Variants in TRABD2B observed in about 807,000 individuals in gnomAD.
TRABD2B encodes TraB domain containing 2B, also known as metalloprotease TIKI2.
In TRABD2B, 14 loss-of-function variants were observed where a neutral mutation model predicts 40.1. The ratio of observed to expected loss-of-function variants is 0.35; its 90% CI spans 0.23 to 0.55. TRABD2B has a LOEUF of 0.55. Among genes scored for constraint, TRABD2B ranks in the 20% least tolerant of loss-of-function variants. The pLI is 0.90. For synonymous variants in TRABD2B, 263 were observed against 277.0 expected (o/e 0.95, Z 0.50); for missense variants, 541 against 648.6 (o/e 0.83, Z 1.80).
intron 2 of TRABD2B, among the ~76,000 whole-genome samples, chr1:47,926,004 G>C (rs1644964076): frequency 6.6e-6 from 1 of 152,136 alleles, no homozygotes; most frequent in Non-Finnish European, 1.5e-5. Context: ...TCATATAAGT[G>C]TGATGCAAAT....
At chr1:47,947,093 G>C (rs1645269602) in intron 2 of TRABD2B, among the ~76,000 whole-genome samples, 1 of 152,172 alleles carries the variant, frequency 6.6e-6, no homozygotes, top group Non-Finnish European at 1.5e-5. Flanking sequence ...GGATGAGAAA[G>C]TTTAGGCTTA....
rs901031028 is a variant in TRABD2B at position 47,983,617 on chromosome 1, A to G, written c.666+10417T>C. 4.6e-5 allele frequency among the ~76,000 whole-genome samples: 7 copies of G among 152,054 alleles called. No homozygotes were observed. In the East Asian group the frequency reaches 1.2e-3, roughly 25 times the overall value. On this transcript the variant is annotated intron_variant, in intron 2 of 6. Coordinates refer to ENST00000606738, the MANE Select transcript of TRABD2B (RefSeq NM_001194986.2). ...TCCAGCTGCAACTCGGCCCCAATAC[A>G]GGGTCTGGTTCTCAAAAATGTACTA...
chr1:47,895,259 C>T (rs906820363), intron 2 of TRABD2B, among the ~76,000 whole-genome samples: 1 of 152,122 alleles, frequency 6.6e-6, no homozygotes, highest in Admixed American at 6.5e-5. Flanking sequence ...CGCCCCACCC[C>T]CCAGCCAGGA....
chr1:47,953,274 C>G (rs1645372426), intron 2 of TRABD2B, among the ~76,000 whole-genome samples: 1 of 152,180 alleles, frequency 6.6e-6, no homozygotes, highest in Admixed American at 6.5e-5. Flanking sequence ...TGAGAGAAAT[C>G]AGGACAGCAT....
In TRABD2B at chr1:47,826,307, T is replaced by G. The variant is rs1054198792; in HGVS notation, c.667-24688A>C. 2.6e-5 allele frequency among the ~76,000 whole-genome samples: 4 copies of G among 152,282 alleles called. No individual in the cohort carries two copies. In the South Asian group the frequency reaches 6.2e-4, roughly 24 times the overall value. ...TGTGGTTTAGCTCATGACATATAAT[T>G]TATTTAATATGAAATATATTTAAGT... On this transcript the variant is annotated intron_variant, in intron 2 of 6. Transcript: ENST00000606738.
intron 1 of TRABD2B, among the ~76,000 whole-genome samples, chr1:47,995,420 C>A (rs912854642): frequency 5.3e-5 from 8 of 152,124 alleles, no homozygotes; most frequent in Non-Finnish European, 1.2e-4. Flanking sequence ...GGCTCCTCCC[C>A]TAAAAATGTA....
At chr1:47,916,799 C>T (rs1644835882) in intron 2 of TRABD2B, among the ~76,000 whole-genome samples, 1 of 152,232 alleles carries the variant, frequency 6.6e-6, no homozygotes, top group African/African-American at 2.4e-5. Flanking sequence ...ACCCACTTCA[C>T]AGTTGCCTTC....
chr1:47,989,001 T>C (rs1453770685), intron 2 of TRABD2B, among the ~76,000 whole-genome samples: 1 of 152,116 alleles, frequency 6.6e-6, no homozygotes, highest in Admixed American at 6.5e-5. Flanking sequence ...GTTCATGAGG[T>C]CTGTACACTC....
chr1:47,960,994 G>T (rs1339838002), intron 2 of TRABD2B, among the ~76,000 whole-genome samples: 1 of 152,094 alleles, frequency 6.6e-6, no homozygotes, highest in Non-Finnish European at 1.5e-5. Context: ...AAACAGCATG[G>T]TACTGGTACC....
chr1:47,880,603 G>A (rs374440906), intron 2 of TRABD2B, among the ~76,000 whole-genome samples: 6 of 152,118 alleles, frequency 3.9e-5, no homozygotes, highest in South Asian at 4.1e-4. Flanking sequence ...GGAACTGTCC[G>A]GGGAGGTGTC....
intron 2 of TRABD2B, among the ~76,000 whole-genome samples, chr1:47,822,149 T>TACAC (rs77773814): frequency 0.65 from 98,495 of 151,186 alleles, 32,134 homozygotes; most frequent in South Asian, 0.78. Flanking sequence ...TGTGTACACG[T>TACAC]ACACACACAC....
intron 2 of TRABD2B, among the ~76,000 whole-genome samples, chr1:47,928,173 A>T (rs763307800): frequency 5.9e-5 from 9 of 152,218 alleles, no homozygotes; most frequent in Admixed American, 1.3e-4. Flanking sequence ...CACTTACAGG[A>T]AGCCACACAG....
At position 47,801,569 on chromosome 1, in the gene TRABD2B, G is replaced by A. The variant is rs2289386; in HGVS notation, c.717C>T (p.Ala239=). Residue 239 remains alanine (A), a synonymous_variant, in exon 3 of 7, where the codon GCC becomes GCT. Transcript: ENST00000606738. ...TGGTGTAGGAGGCCTGCAGGCTCCCGGCCCGCACACTCTCCTGCTGCAGCA... is the reference window on the plus strand; with the variant it reads ...TGGTGTAGGAGGCCTGCAGGCTCCCAGCCCGCACACTCTCCTGCTGCAGCA... ...QTLLQQESVR[A]GSLQASYTTE... 881 of 1,535,972 alleles carry A rather than the reference G, an allele frequency of 5.7e-4. 12 individuals carry two copies. In the East Asian group the frequency reaches 0.018, roughly 31 times the overall value.
intron 2 of TRABD2B, among the ~76,000 whole-genome samples, chr1:47,921,740 C>T (rs999844717): frequency 6.6e-6 from 1 of 152,180 alleles, no homozygotes; most frequent in Non-Finnish European, 1.5e-5. Flanking sequence ...ATGGAGTGTG[C>T]TAGAAATTCT....
At chr1:47,870,869 T>C (rs990849235) in intron 2 of TRABD2B, among the ~76,000 whole-genome samples, 7 of 152,162 alleles carry the variant, frequency 4.6e-5, no homozygotes, top group African/African-American at 1.7e-4. Context: ...TGGGATTGTC[T>C]AGGCAGATCA....
At chr1:47,798,140 T>A (rs1644773116) in intron 3 of TRABD2B, among the ~76,000 whole-genome samples, 1 of 151,550 alleles carries the variant, frequency 6.6e-6, no homozygotes, top group Non-Finnish European at 1.5e-5. Context: ...GATGGGGGAG[T>A]CACATATGCG....
At chr1:47,854,719 G>A (rs1324067195) in intron 2 of TRABD2B, among the ~76,000 whole-genome samples, 1 of 152,200 alleles carries the variant, frequency 6.6e-6, no homozygotes, top group South Asian at 2.1e-4. Context: ...TTCACCAAAG[G>A]TCACAGATAG....
chr1:47,830,902 C>T (rs11587832), intron 2 of TRABD2B, among the ~76,000 whole-genome samples: 3,593 of 152,210 alleles, frequency 0.024, 113 homozygotes, highest in Admixed American at 0.095. Flanking sequence ...ATGTTTCCAG[C>T]GTCTTTAATG....
chr1:47,939,689 G>C (rs1430268284), intron 2 of TRABD2B, among the ~76,000 whole-genome samples: 1 of 152,194 alleles, frequency 6.6e-6, no homozygotes, highest in Non-Finnish European at 1.5e-5. Context: ...GACTATTTCA[G>C]TGTCACTGTT....
Sources: gnomAD v4.1 joint callset for allele counts (sites outside exome capture counted in the v4.1 genomes callset) on GRCh38, gnomAD v4.1.1 for gene constraint, MANE v1.5 for transcripts, NCBI Gene and HGNC (gene_info 2026-07-23, HGNC 2026-07-21) for gene names.